HM13: variants seen among roughly 807,000 people sequenced by gnomAD.
The protein encoded by HM13 is signal peptide peptidase.
A neutral mutation model predicts 50.0 loss-of-function variants in HM13; 18 were observed. The observed-to-expected ratio is 0.36, with a 90% CI of 0.25 to 0.53. The LOEUF (loss-of-function observed/expected upper bound fraction) is 0.53. Among genes scored for constraint, HM13 ranks in the 20% least tolerant of loss-of-function variants. The pLI is 0.90. For synonymous variants in HM13, 197 were observed against 232.6 expected (o/e 0.85, Z 1.39); for missense variants, 393 against 552.4 (o/e 0.71, Z 2.89).
chr20:31,549,435 G>C, intron 6 of HM13, 103 bp downstream of exon 6: 1 of 1,492,060 alleles, frequency 6.7e-7, no homozygotes. Context: ...GAGAAGAGCT[G>C]TTTTGGGCTG....
At chr20:31,545,143 G>C (rs1983640280) in intron 4 of HM13, 108 bp downstream of exon 4, 1 of 848,092 alleles carries the variant, frequency 1.2e-6, no homozygotes, top group East Asian at 2.6e-5. Context: ...GATGAAGTGG[G>C]CTCTGGAATT....
At chr20:31,534,776 T>A (rs1239118754) in intron 2 of HM13, among the ~76,000 whole-genome samples, 1 of 148,654 alleles carries the variant, frequency 6.7e-6, no homozygotes, top group Non-Finnish European at 1.5e-5. Flanking sequence ...AGTGAGACCC[T>A]GTTTCGAAAG....
At chr20:31,516,022 A>G (rs6088444) in intron 1 of HM13, among the ~76,000 whole-genome samples, 2 of 152,220 alleles carry the variant, frequency 1.3e-5, no homozygotes, top group Admixed American at 6.5e-5. Context: ...AGAACTCACT[A>G]CTGGCTCTGT....
chr20:31,549,408 G>A (rs1983904461), intron 6 of HM13, 76 bp downstream of exon 6: 2 of 1,590,252 alleles, frequency 1.3e-6, no homozygotes, highest in Admixed American at 3.3e-5. Context: ...TCTGGCCCAA[G>A]TTGCAGTCAT....
intron 3 of HM13, chr20:31,540,817 C>T (rs1295754752): frequency 1.3e-5 from 2 of 151,640 alleles, no homozygotes; most frequent in Non-Finnish European, 2.9e-5. Context: ...ATGGTGAAAC[C>T]TTGTCTACTA....
intron 3 of HM13, among the ~76,000 whole-genome samples, chr20:31,543,349 A>G (rs1410288932): frequency 6.6e-6 from 1 of 152,102 alleles, no homozygotes; most frequent in African/African-American, 2.4e-5. Flanking sequence ...GCAATGGCAC[A>G]ATCTCAGCTC....
At chr20:31,523,209 C>T (rs1359812311) in intron 1 of HM13, among the ~76,000 whole-genome samples, 1 of 151,886 alleles carries the variant, frequency 6.6e-6, no homozygotes, top group Non-Finnish European at 1.5e-5. Flanking sequence ...CAATATCACA[C>T]CCGGCTAATT....
At chr20:31,525,762 A>AAAAAAAAG (rs202200628) in intron 1 of HM13, among the ~76,000 whole-genome samples, 4 of 151,990 alleles carry the variant, frequency 2.6e-5, no homozygotes, top group African/African-American at 7.2e-5. Flanking sequence ...TTTATACCAA[A>AAAAAAAAG]AAAAAAAGAA....
chr20:31,540,612 T>C lies in HM13; in HGVS notation c.365+2351T>C, dbSNP rs531189776. ...CAGGGTATTTTGAACCTTTATCATC[T>C]TGACACCAAAGACTTTTTTTCCCTT... On this transcript the variant is annotated intron_variant, in intron 3 of 12. Transcript: ENST00000398174. 3.9e-5 allele frequency: 6 copies of C among 152,272 alleles called. No individual in the cohort carries two copies. The East Asian group carries it at 1.2e-3, about 29-fold the overall frequency. 9.4% of individuals were successfully genotyped at this position (152,272 alleles called of 1,614,324 possible).
At chr20:31,556,304 G>T (rs1047235006) in intron 8 of HM13, among the ~76,000 whole-genome samples, 3 of 152,072 alleles carry the variant, frequency 2.0e-5, no homozygotes, top group Non-Finnish European at 4.4e-5. Flanking sequence ...CCCACAAAGT[G>T]CTGAGATTAC....
At chr20:31,552,491 T>G (rs1056345413) in intron 7 of HM13, among the ~76,000 whole-genome samples, 3 of 152,132 alleles carry the variant, frequency 2.0e-5, no homozygotes, top group Admixed American at 2.0e-4. Flanking sequence ...TGCTGTCATA[T>G]TTGGTTTCTG....
At chr20:31,564,667 C>G (rs1984793586) in intron 10 of HM13, among the ~76,000 whole-genome samples, 2 of 151,852 alleles carry the variant, frequency 1.3e-5, no homozygotes, top group Admixed American at 1.3e-4. Flanking sequence ...TGTGAAAGAA[C>G]TCAAGTGCAC....
At chr20:31,522,441 A>G (rs1202433279) in intron 1 of HM13, among the ~76,000 whole-genome samples, 1 of 152,040 alleles carries the variant, frequency 6.6e-6, no homozygotes, top group Non-Finnish European at 1.5e-5. Context: ...AGGTGCCTAT[A>G]ATCCCAGCTA....
chr20:31,538,113 G>A, intron 2 of HM13, 66 bp from the exon 3 acceptor site: 1 of 1,589,088 alleles, frequency 6.3e-7, no homozygotes, highest in Non-Finnish European at 8.6e-7. Flanking sequence ...GAGACGCAGG[G>A]ACTCTGGTTT....
chr20:31,532,983 C>T (rs898252548), intron 2 of HM13, among the ~76,000 whole-genome samples: 3 of 152,308 alleles, frequency 2.0e-5, no homozygotes, highest in Admixed American at 6.5e-5. Context: ...TGCCTCGTGC[C>T]AGAAGCACAG....
At chr20:31,550,933 A>G (rs1340172487) in intron 7 of HM13, among the ~76,000 whole-genome samples, 1 of 152,142 alleles carries the variant, frequency 6.6e-6, no homozygotes, top group Non-Finnish European at 1.5e-5. Context: ...AGCTATGATC[A>G]TGTCCCTGCA....
chr20:31,515,617 C>T (rs1223404971), intron 1 of HM13, among the ~76,000 whole-genome samples: 1 of 152,084 alleles, frequency 6.6e-6, no homozygotes, highest in African/African-American at 2.4e-5. Flanking sequence ...CCACTGTTGG[C>T]CCCTCTTGTG....
At chr20:31,531,671 G>A (rs1380160926) in intron 2 of HM13, among the ~76,000 whole-genome samples, 1 of 152,044 alleles carries the variant, frequency 6.6e-6, no homozygotes, top group African/African-American at 2.4e-5. Context: ...TTGGCTCACT[G>A]CAATCTCTGC....
chr20:31,518,958 G>A (rs1981979110), intron 1 of HM13, among the ~76,000 whole-genome samples: 1 of 151,954 alleles, frequency 6.6e-6, no homozygotes, highest in African/African-American at 2.4e-5. Context: ...GGTACAAAGG[G>A]GTGCACAGTG....
Sources: gnomAD v4.1 joint callset for allele counts (sites outside exome capture counted in the v4.1 genomes callset) on GRCh38, gnomAD v4.1.1 for gene constraint, MANE v1.5 for transcripts, NCBI Gene and HGNC (gene_info 2026-07-23, HGNC 2026-07-21) for gene names.